The following MYO1D variants were observed in gnomAD, a reference collection of about 807,000 sequenced individuals.
MYO1D encodes myosin ID.
In MYO1D, 83 loss-of-function variants were observed where a neutral mutation model predicts 122.0. The ratio of observed to expected loss-of-function variants is 0.68; its 90% CI spans 0.57 to 0.82. The LOEUF (loss-of-function observed/expected upper bound fraction) is 0.82. MYO1D is among the 40% of genes least tolerant of loss of function. The pLI is 0.00. For synonymous variants in MYO1D, 464 were observed against 446.9 expected (o/e 1.04, Z -0.48); for missense variants, 1,157 against 1,269.5 (o/e 0.91, Z 1.35).
chr17:32,723,957 A>G (rs984361448), intron 14 of MYO1D, among the ~76,000 whole-genome samples: 3 of 152,202 alleles, frequency 2.0e-5, no homozygotes, highest in Non-Finnish European at 4.4e-5. Flanking sequence ...ATTATAAAGC[A>G]CAAGCAGAAT....
chr17:32,548,371 T>C (rs1361183012), intron 21 of MYO1D, among the ~76,000 whole-genome samples: 2 of 150,720 alleles, frequency 1.3e-5, no homozygotes, highest in African/African-American at 4.9e-5. Flanking sequence ...GAGGTTGCAA[T>C]GAGCCAAGAT....
At chr17:32,864,611 A>G (rs896072711) in intron 1 of MYO1D, among the ~76,000 whole-genome samples, 1 of 150,998 alleles carries the variant, frequency 6.6e-6, no homozygotes, top group Non-Finnish European at 1.5e-5. Flanking sequence ...CCCAAAATCT[A>G]TTTTAGTGGT....
In MYO1D at chr17:32,537,143, T is replaced by C. The variant is rs1490091024; in HGVS notation, c.2865-42228A>G. Among the ~76,000 whole-genome samples the C allele has an allele frequency of 2.0e-5, 3 of 152,186 alleles. No individual in the cohort carries two copies. In the East Asian group the frequency reaches 5.8e-4, roughly 29 times the overall value. On this transcript the variant is annotated intron_variant, in intron 21 of 21. Coordinates refer to ENST00000318217, the MANE Select transcript of MYO1D (RefSeq NM_015194.3). ...TAAAGAATTTTAGATTTTCAAGTGTTTTTTCAGTCCCGTGTGGCCCATGTT... is the reference window on the plus strand; with the variant it reads ...TAAAGAATTTTAGATTTTCAAGTGTCTTTTCAGTCCCGTGTGGCCCATGTT...
chr17:32,683,539 G>A (rs1272431919), intron 16 of MYO1D, among the ~76,000 whole-genome samples: 18 of 152,002 alleles, frequency 1.2e-4, no homozygotes, highest in African/African-American at 4.3e-4. Context: ...CCTGCTGGGG[G>A]GTGCCTCCCA....
chr17:32,860,119 C>G (rs1055309697), intron 1 of MYO1D, among the ~76,000 whole-genome samples: 1 of 152,130 alleles, frequency 6.6e-6, no homozygotes, highest in African/African-American at 2.4e-5. Flanking sequence ...CATTACTGTG[C>G]CTGGGTGAGA....
chr17:32,708,651 C>CA (rs2089337737), intron 16 of MYO1D, among the ~76,000 whole-genome samples: 1 of 151,932 alleles, frequency 6.6e-6, no homozygotes, highest in Non-Finnish European at 1.5e-5. Context: ...GGAGTTGATC[C>CA]AAAAAAACAT....
Position 32,738,290 on chromosome 17 carries a change from T to C in MYO1D, c.1709A>G (p.Asn570Ser). Reference protein sequence around the residue: ...RPLTAATLFKNSMIALVDNLA... With the variant: ...RPLTAATLFKSSMIALVDNLA... Reference sequence around the variant, plus strand: ...GTTGTCTACTAGAGCAATCATAGAATTCTTAAACAAGGTAGCAGCAGTCAG... The same window carrying C: ...GTTGTCTACTAGAGCAATCATAGAACTCTTAAACAAGGTAGCAGCAGTCAG... The change falls in exon 14 of 22, where the codon AAT (asparagine) becomes AGT (serine). Residue 570 changes from asparagine to serine, a missense_variant. Transcript: ENST00000318217. 3.7e-6 allele frequency: 6 copies of C among 1,609,596 alleles called. No individual in the cohort carries two copies. Among genetic ancestry groups the C allele is most frequent in the Non-Finnish European group, 4.2e-6 (5 of 1,178,062 alleles).
chr17:32,553,798 A>G (rs1420683907), intron 21 of MYO1D, among the ~76,000 whole-genome samples: 4 of 151,578 alleles, frequency 2.6e-5, no homozygotes, highest in Admixed American at 2.6e-4. Context: ...GGCTTGTTTC[A>G]TTCACTCCCA....
At chr17:32,859,057 C>T (rs2091048925) in intron 1 of MYO1D, among the ~76,000 whole-genome samples, 1 of 152,208 alleles carries the variant, frequency 6.6e-6, no homozygotes, top group South Asian at 2.1e-4. Context: ...GAGGATGGTA[C>T]TAGGTGTGAC....
intron 19 of MYO1D, among the ~76,000 whole-genome samples, chr17:32,645,792 T>C (rs1434315360): frequency 6.6e-6 from 1 of 152,182 alleles, no homozygotes; most frequent in East Asian, 1.9e-4. Flanking sequence ...GTTATTCTAG[T>C]TAGCCATTCA....
intron 1 of MYO1D, among the ~76,000 whole-genome samples, chr17:32,790,381 C>T (rs2090338048): frequency 6.6e-6 from 1 of 152,166 alleles, no homozygotes; most frequent in African/African-American, 2.4e-5. Flanking sequence ...CCCATCATTC[C>T]ACACCTGTTT....
intron 21 of MYO1D, among the ~76,000 whole-genome samples, chr17:32,577,596 A>C (rs149243991): frequency 1.2e-4 from 19 of 152,046 alleles, no homozygotes; most frequent in Admixed American, 1.2e-3. Context: ...ACTAACAGCA[A>C]TACTGAGCTT....
intron 20 of MYO1D, among the ~76,000 whole-genome samples, chr17:32,607,878 C>T (rs2087648291): frequency 6.6e-6 from 1 of 152,036 alleles, no homozygotes; most frequent in Non-Finnish European, 1.5e-5. Context: ...GCAAAGACAG[C>T]TCAATGAAGA....
chr17:32,860,715 G>A (rs1179433668), intron 1 of MYO1D, among the ~76,000 whole-genome samples: 2 of 152,148 alleles, frequency 1.3e-5, no homozygotes, highest in African/African-American at 4.8e-5. Context: ...CACAAAGCTA[G>A]GAGACAGATT....
intron 16 of MYO1D, among the ~76,000 whole-genome samples, chr17:32,662,033 C>T (rs564558094): frequency 2.6e-5 from 4 of 152,184 alleles, no homozygotes; most frequent in African/African-American, 7.2e-5. Context: ...TAATTTTTGC[C>T]AAATGCTCTT....
intron 21 of MYO1D, among the ~76,000 whole-genome samples, chr17:32,537,259 AT>A (rs1483046975): frequency 6.6e-6 from 1 of 152,170 alleles, no homozygotes; most frequent in Non-Finnish European, 1.5e-5. Context: ...ATTCTTCTAT[AT>A]CAGGGGCTGG....
chr17:32,612,696 C>CAAAAAAAAAAAAAAAAAAAAAAA (rs1158470135), intron 20 of MYO1D, among the ~76,000 whole-genome samples: 2 of 104,614 alleles, frequency 1.9e-5, no homozygotes, highest in Non-Finnish European at 3.7e-5. Flanking sequence ...AAAAAAAAAA[C>CAAAAAAAAAAAAAAAAAAAAAAA]AAAAAAAAAA....
chr17:32,752,738 C>A (rs1380339009), intron 11 of MYO1D, among the ~76,000 whole-genome samples: 1 of 152,084 alleles, frequency 6.6e-6, no homozygotes, highest in Admixed American at 6.6e-5. Flanking sequence ...TTATACCAGT[C>A]AGAATGGCTA....
intron 1 of MYO1D, among the ~76,000 whole-genome samples, chr17:32,782,779 T>C (rs1003398774): frequency 2.0e-5 from 3 of 151,914 alleles, no homozygotes; most frequent in Non-Finnish European, 4.4e-5. Context: ...CTACCAAAAA[T>C]ACAAAATTAG....
Sources: allele counts gnomAD v4.1 joint callset (sites outside exome capture counted in the v4.1 genomes callset), GRCh38; gene constraint gnomAD v4.1.1; transcripts MANE v1.5; gene names NCBI Gene and HGNC (gene_info 2026-07-23, HGNC 2026-07-21).